PIBF1: variants seen among roughly 807,000 people sequenced by gnomAD.
PIBF1 encodes progesterone-induced-blocking factor 1.
A neutral mutation model predicts 112.5 loss-of-function variants in PIBF1; 90 were observed. That is an observed-to-expected ratio of 0.80 (90% CI 0.67 to 0.95). The LOEUF (loss-of-function observed/expected upper bound fraction) is 0.95. PIBF1 is among the 40% of genes least tolerant of loss of function. The probability of loss-of-function intolerance (pLI) is 0.00; values close to 1 mark genes in which losing one functional copy is unlikely to be tolerated. For synonymous variants in PIBF1, 301 were observed against 288.6 expected (o/e 1.04, Z -0.44); for missense variants, 915 against 852.3 (o/e 1.07, Z -0.92).
chr13:72,825,725 A>C (rs1479352100), intron 6 of PIBF1, among the ~76,000 whole-genome samples: 2 of 152,188 alleles, frequency 1.3e-5, no homozygotes, highest in Non-Finnish European at 2.9e-5. Context: ...TTTATTTAAT[A>C]TTACAAAACA....
At chr13:72,919,211 C>T (rs182800709) in intron 13 of PIBF1, among the ~76,000 whole-genome samples, 392 of 152,110 alleles carry the variant, frequency 2.6e-3, no homozygotes, top group Admixed American at 4.4e-3. Context: ...GATGTATCCT[C>T]ATTAATATAG....
At chr13:72,792,654 A>ATTT in intron 3 of PIBF1, 107 bp downstream of exon 3, 1 of 592,490 alleles carries the variant, frequency 1.7e-6, no homozygotes, top group South Asian at 2.4e-5. Flanking sequence ...AGAAATTTTA[A>ATTT]GTCAGAGATA....
intron 4 of PIBF1, among the ~76,000 whole-genome samples, chr13:72,796,790 A>C (rs2035221962): frequency 6.6e-6 from 1 of 152,034 alleles, no homozygotes; most frequent in Non-Finnish European, 1.5e-5. Flanking sequence ...GCAGTTACAC[A>C]TATTTTTGCT....
chr13:72,786,815 ACT>A (rs1355413163), intron 2 of PIBF1, among the ~76,000 whole-genome samples: 1 of 152,040 alleles, frequency 6.6e-6, no homozygotes, highest in Non-Finnish European at 1.5e-5. Context: ...CTGCTTGAAG[ACT>A]CTTTAGGAAT....
chr13:72,952,079 G>A (rs1203804163), intron 14 of PIBF1, among the ~76,000 whole-genome samples: 1 of 125,922 alleles, frequency 7.9e-6, no homozygotes, highest in East Asian at 2.2e-4. Flanking sequence ...CTGTTGCCTC[G>A]TCTGGAGTGC....
At chr13:72,983,651 C>G (rs1204711601) in intron 16 of PIBF1, among the ~76,000 whole-genome samples, 1 of 152,094 alleles carries the variant, frequency 6.6e-6, no homozygotes, top group African/African-American at 2.4e-5. Context: ...ATGTTCTTTG[C>G]GATTTCTCGG....
intron 2 of PIBF1, among the ~76,000 whole-genome samples, chr13:72,788,331 CAG>C (rs1790016621): frequency 6.6e-6 from 1 of 152,092 alleles, no homozygotes; most frequent in Admixed American, 6.6e-5. Context: ...CAGTTAATAC[CAG>C]AGACTTGAAA....
At chr13:72,872,001 C>T (rs543802970) in intron 10 of PIBF1, among the ~76,000 whole-genome samples, 9 of 152,186 alleles carry the variant, frequency 5.9e-5, no homozygotes, top group East Asian at 3.9e-4. Context: ...ATATAAGTTA[C>T]GTTTAAGAGT....
chr13:72,863,374 G>C (rs1244852220), intron 10 of PIBF1, among the ~76,000 whole-genome samples: 2 of 152,150 alleles, frequency 1.3e-5, no homozygotes, highest in Non-Finnish European at 2.9e-5. Context: ...CTCAGGGCCA[G>C]GGCGCGGTGG....
intron 2 of PIBF1, among the ~76,000 whole-genome samples, chr13:72,790,843 T>C (rs1449156968): frequency 6.6e-6 from 1 of 152,102 alleles, no homozygotes; most frequent in East Asian, 1.9e-4. Context: ...TTCACTGGAA[T>C]AGTATGGGGC....
intron 5 of PIBF1, among the ~76,000 whole-genome samples, chr13:72,805,966 A>G (rs956885737): frequency 6.6e-6 from 1 of 152,266 alleles, no homozygotes; most frequent in Non-Finnish European, 1.5e-5. Flanking sequence ...ACATATATAT[A>G]AAGAGAAAAT....
chr13:72,867,504 C>A (rs1037189559), intron 10 of PIBF1, among the ~76,000 whole-genome samples: 3 of 152,106 alleles, frequency 2.0e-5, no homozygotes, highest in African/African-American at 7.2e-5. Context: ...TGTCTATGTT[C>A]TCTTTTCAGC....
chr13:72,931,718 G>GTA (rs3077704), intron 14 of PIBF1, among the ~76,000 whole-genome samples: 14,202 of 101,886 alleles, frequency 0.14, 1,929 homozygotes, highest in African/African-American at 0.34. Flanking sequence ...TTTAAACTAC[G>GTA]TATATATATA....
intron 5 of PIBF1, among the ~76,000 whole-genome samples, chr13:72,804,028 C>G (rs1490435302): frequency 6.6e-6 from 1 of 152,132 alleles, no homozygotes; most frequent in East Asian, 1.9e-4. Flanking sequence ...CTTTCCTCTT[C>G]AGTCTGTGGG....
In PIBF1 at chr13:72,817,589, T is replaced by C. The variant is rs531307815; in HGVS notation, c.673-4260T>C. ...AACTTCCTTAGAGTTTTCCTTATGA[T>C]GTGGGAGACAAGTAATGGCTGCCCA... On this transcript the variant is annotated intron_variant, in intron 5 of 17. Coordinates refer to ENST00000326291, the MANE Select transcript of PIBF1 (RefSeq NM_006346.4). Among the ~76,000 whole-genome samples the C allele has an allele frequency of 7.1e-4, 108 of 152,336 alleles. 1 individual carries two copies. The highest frequency in any genetic ancestry group is 2.6e-3 in the African/African-American group (108 of 41,576).
intron 11 of PIBF1, among the ~76,000 whole-genome samples, chr13:72,895,790 C>T (rs2040258789): frequency 6.7e-6 from 1 of 149,066 alleles, no homozygotes; most frequent in Non-Finnish European, 1.5e-5. Flanking sequence ...CTGAGAGGAC[C>T]CACAGACCCT....
chr13:72,853,772 G>T (rs951384034), intron 9 of PIBF1, among the ~76,000 whole-genome samples: 2 of 152,070 alleles, frequency 1.3e-5, no homozygotes, highest in African/African-American at 4.8e-5. Context: ...TATCTCATTG[G>T]ATTCTCGTAA....
At chr13:72,971,125 C>A (rs1409321006) in intron 15 of PIBF1, among the ~76,000 whole-genome samples, 5 of 151,840 alleles carry the variant, frequency 3.3e-5, no homozygotes, top group African/African-American at 1.2e-4. Flanking sequence ...CCTCGACATT[C>A]CATTCCGATT....
chr13:72,962,750 A>G (rs907141085), intron 14 of PIBF1, among the ~76,000 whole-genome samples: 2 of 152,178 alleles, frequency 1.3e-5, no homozygotes, highest in African/African-American at 4.8e-5. Context: ...CAAAATCCCA[A>G]TGGCATTTTT....
Sources: allele counts gnomAD v4.1 joint callset (sites outside exome capture counted in the v4.1 genomes callset), GRCh38; gene constraint gnomAD v4.1.1; transcripts MANE v1.5; gene names NCBI Gene and HGNC (gene_info 2026-07-23, HGNC 2026-07-21).